Variants in TACC1 observed in about 807,000 individuals in gnomAD.
TACC1 encodes the protein transforming acidic coiled-coil-containing protein 1.
In TACC1, 48 loss-of-function variants were observed where a neutral mutation model predicts 84.4. The observed-to-expected ratio is 0.57, with a 90% CI of 0.45 to 0.72. TACC1 has a LOEUF of 0.72. TACC1 is among the 30% of genes least tolerant of loss of function. The pLI, the probability that TACC1 is intolerant of heterozygous loss-of-function variation, is 0.00. For synonymous variants in TACC1, 372 were observed against 376.3 expected (o/e 0.99, Z 0.13); for missense variants, 920 against 973.0 (o/e 0.95, Z 0.72).
chr8:38,812,809 C>T (rs1424106658), intron 2 of TACC1, among the ~76,000 whole-genome samples: 1 of 152,150 alleles, frequency 6.6e-6, no homozygotes, highest in Non-Finnish European at 1.5e-5. Context: ...TCTCTCTTTC[C>T]TGCTAGTCTC....
intron 2 of TACC1, among the ~76,000 whole-genome samples, chr8:38,817,586 A>C (rs1250286517): frequency 6.6e-6 from 1 of 152,216 alleles, no homozygotes; most frequent in Non-Finnish European, 1.5e-5. Flanking sequence ...CTTTTGAAAT[A>C]TGTTAAACCA....
rs753046009 is a variant in TACC1 at position 38,836,195 on chromosome 8, G to C, written c.1747G>C (p.Val583Leu). 3 of 1,613,538 alleles carry C rather than the reference G, an allele frequency of 1.9e-6. No homozygotes were observed. In the South Asian group the frequency reaches 3.3e-5, roughly 18 times the overall value. Residue 583 changes from valine (V) to leucine (L), a missense_variant, in exon 7 of 13, where the codon GTG (valine) becomes CTG (leucine). Around this residue, in one of 2 missense-constraint regions of TACC1, gnomAD observed 762 missense variants for 747.3 expected, o/e 1.02. Coordinates refer to ENST00000317827, the MANE Select transcript of TACC1 (RefSeq NM_006283.3). Reference protein sequence around the residue: ...LLESSAEKAPVSVSCGGESPL... With the variant: ...LLESSAEKAPLSVSCGGESPL... ...GGAGTCCTCTGCAGAGAAGGCCCCT[G>C]TGTCGGTGTCCTGTGGAGGTGAGAG...
chr8:38,840,089 A>C (rs1830938410), intron 8 of TACC1, 135 bp from the exon 9 acceptor site: 1 of 363,546 alleles, frequency 2.8e-6, no homozygotes, highest in Non-Finnish European at 5.1e-6. Flanking sequence ...AGATAACGAG[A>C]GCCCCAAAGC....
At chr8:38,742,168 T>C (rs534287396) in intron 1 of TACC1, among the ~76,000 whole-genome samples, 18 of 152,048 alleles carry the variant, frequency 1.2e-4, no homozygotes, top group African/African-American at 4.3e-4. Context: ...GAACAAAGAC[T>C]TTTTTTTGCC....
chr8:38,834,224 C>G (rs899965548), intron 6 of TACC1, among the ~76,000 whole-genome samples: 4 of 152,218 alleles, frequency 2.6e-5, no homozygotes, highest in African/African-American at 9.6e-5. Flanking sequence ...GATCTGCTTC[C>G]AAGCTCACTC....
At chr8:38,780,588 A>G (rs534459098) in intron 3 of TACC1, among the ~76,000 whole-genome samples, 6 of 150,756 alleles carry the variant, frequency 4.0e-5, no homozygotes, top group Non-Finnish European at 5.9e-5. Context: ...GTCTTGTAGG[A>G]CTAGTCTATT....
rs1470030122 is a variant in TACC1, at chr8:38,802,807, A to G, written c.277+13988A>G. Reference sequence around the variant, plus strand: ...AGAAAAGGAGGCGCTGGGCTCTTTAATAATCAGATCTGAGGAGAGCTAATA... The same window carrying G: ...AGAAAAGGAGGCGCTGGGCTCTTTAGTAATCAGATCTGAGGAGAGCTAATA... On this transcript the variant is annotated intron_variant, in intron 2 of 12. Transcript: ENST00000317827. Among the ~76,000 whole-genome samples, 6 of 152,178 alleles carry G rather than the reference A, an allele frequency of 3.9e-5. No individual in the cohort carries two copies. The East Asian group carries it at 5.8e-4, about 15-fold the overall frequency.
intron 3 of TACC1, among the ~76,000 whole-genome samples, chr8:38,774,416 GGAAT>G (rs10599906): frequency 0.37 from 55,693 of 151,396 alleles, 10,556 homozygotes; most frequent in Non-Finnish European, 0.4. Flanking sequence ...TCAAATTTGT[GGAAT>G]GAATGAATGA....
At chr8:38,799,202 A>G (rs1237113285) in intron 2 of TACC1, among the ~76,000 whole-genome samples, 1 of 152,234 alleles carries the variant, frequency 6.6e-6, no homozygotes, top group East Asian at 1.9e-4. Flanking sequence ...CTTCAGGGCA[A>G]AGGGCCAAGG....
intron 2 of TACC1, among the ~76,000 whole-genome samples, chr8:38,799,105 G>C (rs910591681): frequency 6.6e-6 from 1 of 152,170 alleles, no homozygotes; most frequent in African/African-American, 2.4e-5. Flanking sequence ...CCAGAATCAC[G>C]CTTGTTTCCC....
chr8:38,822,046 C>T (rs182582518), intron 3 of TACC1, among the ~76,000 whole-genome samples: 136 of 152,062 alleles, frequency 8.9e-4, no homozygotes, highest in Middle Eastern at 6.8e-3. Context: ...CATAGTGAGA[C>T]ACCCCCCCAC....
intron 12 of TACC1, among the ~76,000 whole-genome samples, chr8:38,847,263 G>A (rs1188262542): frequency 6.6e-6 from 1 of 152,158 alleles, no homozygotes; most frequent in African/African-American, 2.4e-5. Flanking sequence ...TCACCACTGG[G>A]AGATGCTGCT....
intron 1 of TACC1, among the ~76,000 whole-genome samples, chr8:38,733,155 G>A (rs1448515190): frequency 6.6e-6 from 1 of 151,910 alleles, no homozygotes; most frequent in African/African-American, 2.4e-5. Flanking sequence ...CTCATCCCAG[G>A]CCACTCAAGA....
rs150695936 is a variant in TACC1, at chr8:38,801,196, T to C, written c.277+12377T>C. ...CTTCCATTGTCTTTTCATTTCTTGA[T>C]GGTGTCATTTGAAGTGCAAAAGTTC... is the stretch of plus-strand genomic sequence containing the variant. On this transcript the variant is annotated intron_variant, in intron 2 of 12. Transcript: ENST00000317827. 1.8e-3 allele frequency among the ~76,000 whole-genome samples: 271 copies of C among 152,368 alleles called. 1 individual carries two copies. Among genetic ancestry groups the C allele is most frequent in the Non-Finnish European group, 2.2e-3 (149 of 68,036 alleles).
chr8:38,803,521 T>C (rs1821917791), intron 2 of TACC1, among the ~76,000 whole-genome samples: 1 of 152,234 alleles, frequency 6.6e-6, no homozygotes, highest in African/African-American at 2.4e-5. Flanking sequence ...GAGATGATCA[T>C]GTGTGTTTTG....
chr8:38,749,861 A>G (rs2151735279), intron 3 of TACC1, among the ~76,000 whole-genome samples: 1 of 152,298 alleles, frequency 6.6e-6, no homozygotes, highest in Admixed American at 6.5e-5. Flanking sequence ...TAGTGCTGGG[A>G]TTACAGGTGT....
chr8:38,836,737 T>A (rs1830318638), intron 7 of TACC1, among the ~76,000 whole-genome samples: 1 of 152,206 alleles, frequency 6.6e-6, no homozygotes, highest in Non-Finnish European at 1.5e-5. Context: ...TTGAACAGCC[T>A]TTGTTCAAAA....
At chr8:38,822,245 TAAAAAAA>T (rs139176772) in intron 3 of TACC1, among the ~76,000 whole-genome samples, 5 of 119,022 alleles carry the variant, frequency 4.2e-5, no homozygotes, top group African/African-American at 1.6e-4. Context: ...ACCCTGTCTT[TAAAAAAA>T]AAAAAAAAAA....
intron 2 of TACC1, among the ~76,000 whole-genome samples, chr8:38,810,056 G>C (rs760827994): frequency 6.6e-6 from 1 of 152,056 alleles, no homozygotes; most frequent in Non-Finnish European, 1.5e-5. Flanking sequence ...CCATTGCCCA[G>C]ATAAAGGACT....
Sources: allele counts gnomAD v4.1 joint callset (sites outside exome capture counted in the v4.1 genomes callset), GRCh38; gene constraint gnomAD v4.1.1; regional missense constraint gnomAD v4.1.1; transcripts MANE v1.5; gene names NCBI Gene and HGNC (gene_info 2026-07-23, HGNC 2026-07-21).